Variants in ABCD3 observed in about 807,000 individuals in gnomAD.
ABCD3 encodes ATP-binding cassette sub-family D member 3.
ABCD3 carries 41 observed loss-of-function variants against 105.5 expected under a neutral mutation model. That is an observed-to-expected ratio of 0.39 (90% CI 0.30 to 0.50). ABCD3 has a LOEUF of 0.50. ABCD3 is among the 20% of genes least tolerant of loss of function. The probability of loss-of-function intolerance (pLI) is 0.84; values close to 1 mark genes in which losing one functional copy is unlikely to be tolerated. For synonymous variants in ABCD3, 258 were observed against 269.0 expected, an observed-to-expected ratio of 0.96 and a Z score of 0.40; for missense variants, 622 against 806.3, an observed-to-expected ratio of 0.77 and a Z score of 2.77.
intron 20 of ABCD3, among the ~76,000 whole-genome samples, chr1:94,502,499 T>C (rs1650146812): frequency 1.8e-4 from 2 of 11,176 alleles, no homozygotes; most frequent in South Asian, 3.1e-3. Context: ...CCCCCCTAGT[T>C]TTTTTTTTTT....
chr1:94,425,130 A>T (rs1019137292), intron 1 of ABCD3, among the ~76,000 whole-genome samples: 7 of 152,224 alleles, frequency 4.6e-5, no homozygotes, highest in African/African-American at 1.4e-4. Flanking sequence ...AGCAAGTCTC[A>T]GAAACTTAAA....
intron 22 of ABCD3, among the ~76,000 whole-genome samples, chr1:94,516,017 G>A (rs1650905257): frequency 6.6e-6 from 1 of 151,932 alleles, no homozygotes; most frequent in South Asian, 2.1e-4. Context: ...ATACATACCT[G>A]ATTAAGGACC....
intron 9 of ABCD3, chr1:94,481,710 A>G (rs1437103910): frequency 6.6e-6 from 1 of 152,284 alleles, no homozygotes; most frequent in East Asian, 1.9e-4. Flanking sequence ...AGAAAGCTCC[A>G]GAAACAAAAA....
the ABCD3 span, among the ~76,000 whole-genome samples, chr1:94,398,643 G>A: frequency 1.2e-4 from 19 of 152,324 alleles, no homozygotes; most frequent in African/African-American, 4.3e-4. Context: ...GCTGGGCACA[G>A]TGGCTCACGC....
chr1:94,423,182 G>A (rs1242117061), intron 1 of ABCD3, among the ~76,000 whole-genome samples: 2 of 152,172 alleles, frequency 1.3e-5, no homozygotes, highest in Non-Finnish European at 2.9e-5. Flanking sequence ...CATCCTTGAA[G>A]GGTTAGGTCA....
intron 1 of ABCD3, among the ~76,000 whole-genome samples, chr1:94,452,944 G>A (rs1647326923): frequency 6.6e-6 from 1 of 152,140 alleles, no homozygotes; most frequent in East Asian, 1.9e-4. Context: ...CACCATGTTG[G>A]CCAGGCTGTT....
Position 94,418,488 on chromosome 1 carries a change from T to C in ABCD3, c.10T>C (p.Phe4Leu). MAAFSKYLTARNSS... is the reference protein window; with the variant it reads MAALSKYLTARNSS... ...TGGTACCGGCAGTGCCATGGCGGCC[T>C]TCAGCAAGTACTTGACGGCGCGAAA... The change falls in exon 1 of 23, where the codon TTC (phenylalanine) becomes CTC (leucine). Residue 4 changes from phenylalanine to leucine, a missense_variant. By Grantham distance (22) the Phe-to-Leu change is conservative (BLOSUM62 0). This residue lies in a region of ABCD3 where 89 missense variants were observed against 77.5 expected (regional missense o/e 1.15). Coordinates refer to ENST00000370214, the MANE Select transcript of ABCD3 (RefSeq NM_002858.4). 6.2e-7 allele frequency: 1 copy of C among 1,601,848 alleles called. No individual in the cohort carries two copies. The highest frequency in any genetic ancestry group is 8.5e-7 in the Non-Finnish European group (1 of 1,178,170).
intron 1 of ABCD3, among the ~76,000 whole-genome samples, chr1:94,436,339 A>G (rs1659900723): frequency 6.6e-6 from 1 of 152,258 alleles, no homozygotes; most frequent in Admixed American, 6.5e-5. Flanking sequence ...AAATTAGAGT[A>G]TCACGGAAAT....
intron 4 of ABCD3, among the ~76,000 whole-genome samples, chr1:94,472,859 T>A (rs1418432616): frequency 1.3e-5 from 2 of 152,224 alleles, no homozygotes; most frequent in Non-Finnish European, 2.9e-5. Context: ...TTATTAAGTA[T>A]TACTTGAAGT....
chr1:94,447,822 A>G (rs758444167), intron 1 of ABCD3, among the ~76,000 whole-genome samples: 3 of 152,220 alleles, frequency 2.0e-5, no homozygotes, highest in Non-Finnish European at 4.4e-5. Flanking sequence ...GAAAGTAGCC[A>G]TACGTAGGGA....
In ABCD3 at chr1:94,517,418, C is replaced by G; in HGVS notation, c.*289C>G. The G allele has an allele frequency of 5.6e-6, 2 of 358,318 alleles. No individual in the cohort carries two copies. The highest frequency in any genetic ancestry group is 1.1e-5 in the Non-Finnish European group (2 of 187,992). The allele number at this position is 358,318 out of a possible 1,614,324, so 22.2% of individuals were successfully genotyped here. A position where few individuals can be genotyped will look rare whatever the true frequency, so the allele number is the denominator to read the frequency against. ...TTAAATTGGGCTTCAATCACTGTAACCTGATTCATCCTGGGATGTAAACCA... is the reference window on the plus strand; with the variant it reads ...TTAAATTGGGCTTCAATCACTGTAAGCTGATTCATCCTGGGATGTAAACCA... On this transcript the variant is annotated 3_prime_UTR_variant, in exon 23 of 23. Transcript: ENST00000370214.
chr1:94,481,900 A>G (rs769490828), intron 9 of ABCD3: 1 of 152,208 alleles, frequency 6.6e-6, no homozygotes, highest in Non-Finnish European at 1.5e-5. Flanking sequence ...GGCATTCCTA[A>G]AGCATTAGGG....
intron 1 of ABCD3, among the ~76,000 whole-genome samples, chr1:94,448,014 A>G (rs1200010567): frequency 2.0e-5 from 3 of 152,192 alleles, no homozygotes. Flanking sequence ...GCTAATCAAA[A>G]GCAAGTCCAT....
chr1:94,506,472 T>A (rs1352204165), intron 20 of ABCD3, 66 bp from the exon 21 acceptor site: 25 of 912,116 alleles, frequency 2.7e-5, no homozygotes, highest in Non-Finnish European at 4.2e-5. Flanking sequence ...TTAACATAAG[T>A]TTGTTTCGGC....
chr1:94,509,876 C>G (rs970018934), intron 21 of ABCD3, among the ~76,000 whole-genome samples: 3 of 152,214 alleles, frequency 2.0e-5, no homozygotes, highest in South Asian at 2.1e-4. Context: ...TGATTCATCT[C>G]TCTTTTTTTC....
chr1:94,451,687 T>G (rs1008393281), intron 1 of ABCD3, among the ~76,000 whole-genome samples: 2 of 152,222 alleles, frequency 1.3e-5, no homozygotes, highest in Non-Finnish European at 2.9e-5. Context: ...GCTTACGGGA[T>G]GTGAAATCAA....
chr1:94,398,640 A>G, the ABCD3 span, among the ~76,000 whole-genome samples: 4 of 152,258 alleles, frequency 2.6e-5, no homozygotes, highest in African/African-American at 7.2e-5. Context: ...TAGGCTGGGC[A>G]CAGTGGCTCA....
chr1:94,466,444 T>A (rs1648138855), intron 3 of ABCD3, among the ~76,000 whole-genome samples: 1 of 152,184 alleles, frequency 6.6e-6, no homozygotes, highest in South Asian at 2.1e-4. Flanking sequence ...AACATGTAAC[T>A]TCATTTTCCT....
intron 10 of ABCD3, 24 bp from the exon 11 acceptor site, chr1:94,487,516 GGT>G: frequency 6.2e-7 from 1 of 1,604,974 alleles, no homozygotes. Context: ...AGAAAAAGAT[GGT>G]TTTTTGTTTT....
Sources: allele counts gnomAD v4.1 joint callset (sites outside exome capture counted in the v4.1 genomes callset), GRCh38; gene constraint gnomAD v4.1.1; regional missense constraint gnomAD v4.1.1; transcripts MANE v1.5; gene names NCBI Gene and HGNC (gene_info 2026-07-23, HGNC 2026-07-21).